ZNF407: variants seen among roughly 807,000 people sequenced by gnomAD.
The protein encoded by ZNF407 is zinc finger protein 407.
A neutral mutation model predicts 131.2 loss-of-function variants in ZNF407; 17 were observed. The ratio of observed to expected loss-of-function variants is 0.13; its 90% CI spans 0.09 to 0.19. The LOEUF is 0.19. Among genes scored for constraint, ZNF407 ranks in the 10% least tolerant of loss-of-function variants. The probability of loss-of-function intolerance (pLI) is 1.00; values close to 1 mark genes in which losing one functional copy is unlikely to be tolerated. For missense variants in ZNF407, 2,681 were observed against 2,830.6 expected, an observed-to-expected ratio of 0.95 and a Z score of 1.20; for synonymous variants, 1,156 against 1,062.0, an observed-to-expected ratio of 1.09 and a Z score of -1.72.
intron 7 of ZNF407, among the ~76,000 whole-genome samples, chr18:74,916,174 A>G (rs374958470): frequency 1.7e-3 from 55 of 31,436 alleles, no homozygotes; most frequent in East Asian, 2.7e-3. Context: ...GTGAGGTTGT[A>G]TGCAGCATTG....
chr18:74,685,436 G>GTCCTCCCTCTGTCCCT (rs2144786075), intron 3 of ZNF407, among the ~76,000 whole-genome samples: 1 of 152,212 alleles, frequency 6.6e-6, no homozygotes, highest in African/African-American at 2.4e-5. Context: ...CTGCTCAATG[G>GTCCTCCCTCTGTCCCT]CTGACCCTCT....
At chr18:74,935,368 T>A (rs540859146) in intron 8 of ZNF407, among the ~76,000 whole-genome samples, 1 of 152,316 alleles carries the variant, frequency 6.6e-6, no homozygotes, top group South Asian at 2.1e-4. Context: ...TCTTAGAGCA[T>A]CTGGTCAACA....
At chr18:74,968,613 G>A (rs1334098799) in intron 8 of ZNF407, among the ~76,000 whole-genome samples, 6 of 152,250 alleles carry the variant, frequency 3.9e-5, no homozygotes, top group Non-Finnish European at 8.8e-5. Context: ...TGCCTCTTTC[G>A]TCTGATCTTC....
rs1984444001 is a variant in ZNF407 at position 74,635,946 on chromosome 18, A to G, written c.4687+240A>G. 6.6e-6 allele frequency among the ~76,000 whole-genome samples: 1 copy of G among 152,210 alleles called. No homozygotes were observed. The highest frequency in any genetic ancestry group is 2.1e-4 in the South Asian group (1 of 4,834). On this transcript the variant is annotated intron_variant, in intron 2 of 8. Transcript: ENST00000299687. This position sits in a 1 kb window ranked among gnomAD's most constrained non-coding sequence, Gnocchi z 4.7. Reference sequence around the variant, plus strand: ...CAAGTTTCTTTTAATTTTGTCAAAAAGCCTAGTCCCTCTGATGCCTTTTAA... The same window carrying G: ...CAAGTTTCTTTTAATTTTGTCAAAAGGCCTAGTCCCTCTGATGCCTTTTAA...
intron 8 of ZNF407, among the ~76,000 whole-genome samples, chr18:75,008,825 G>T (rs1172704318): frequency 6.6e-6 from 1 of 152,144 alleles, no homozygotes; most frequent in Non-Finnish European, 1.5e-5. Context: ...TTGCTGTAAG[G>T]CGTGACATAA....
At chr18:74,647,099 GCTT>G (rs531598691) in intron 3 of ZNF407, among the ~76,000 whole-genome samples, 87 of 152,012 alleles carry the variant, frequency 5.7e-4, no homozygotes, top group South Asian at 2.7e-3. Flanking sequence ...TTAACTCGTT[GCTT>G]CTTCTTCTTC....
intron 8 of ZNF407, among the ~76,000 whole-genome samples, chr18:74,930,869 A>G (rs1189983748): frequency 6.6e-6 from 1 of 152,178 alleles, no homozygotes; most frequent in East Asian, 1.9e-4. Flanking sequence ...CACTACCTTA[A>G]GGAGACCTGG....
At chr18:74,699,076 C>T (rs1332638832) in intron 3 of ZNF407, among the ~76,000 whole-genome samples, 2 of 152,154 alleles carry the variant, frequency 1.3e-5, no homozygotes, top group African/African-American at 2.4e-5. Context: ...CGCTCTCTCT[C>T]CTTTCCCAGG....
chr18:75,043,952 C>A (rs1177588966), intron 8 of ZNF407, among the ~76,000 whole-genome samples: 1 of 152,166 alleles, frequency 6.6e-6, no homozygotes, highest in Non-Finnish European at 1.5e-5. Context: ...TTACTTTGAA[C>A]ACTGAGAGCT....
At chr18:74,833,973 A>G (rs775656081) in intron 4 of ZNF407, among the ~76,000 whole-genome samples, 3 of 152,210 alleles carry the variant, frequency 2.0e-5, no homozygotes, top group Admixed American at 6.5e-5. Context: ...GTAGCTGCAT[A>G]TGTACATCTT....
rs769315881 is a variant in ZNF407, at chr18:74,634,677, T to C, written c.3658T>C (p.Ser1220Pro). The C allele has an allele frequency of 3.3e-5, 53 of 1,613,912 alleles. No homozygotes were observed. The African/African-American group carries it at 5.1e-4, about 15-fold the overall frequency. ...CETAKKNHEISNDAGELRVHC... is the reference protein window; with the variant it reads ...CETAKKNHEIPNDAGELRVHC... ...GACAGCAAAGAAAAACCATGAGATA[T>C]CGAATGATGCAGGTGAGCTGCGTGT... Residue 1220 changes from serine (S) to proline (P), a missense_variant, in exon 2 of 9, where the codon TCG (serine) becomes CCG (proline). By Grantham distance (74) the Ser-to-Pro change is moderately conservative. Around this residue, in one of 6 missense-constraint regions of ZNF407, gnomAD observed 1,789 missense variants for 1,748.7 expected, o/e 1.02. Transcript: ENST00000299687.
rs1417652269 is a variant in ZNF407 at position 74,632,371 on chromosome 18, G to A, written c.1352G>A (p.Arg451Lys). The stretch of plus-strand genomic sequence containing the variant: ...AGGTTTAATCTTTTAGGAATTAAAA[G>A]AGGTACAAGTGAAACTCAGAGGATG... Reference protein sequence around the residue: ...KKRFNLLGIKRGTSETQRMYM... With the variant: ...KKRFNLLGIKKGTSETQRMYM... Residue 451 changes from arginine to lysine, a missense_variant, in exon 2 of 9, where the codon AGA (arginine) becomes AAA (lysine). Around this residue, in one of 6 missense-constraint regions of ZNF407, gnomAD observed 1,789 missense variants for 1,748.7 expected, o/e 1.02. Coordinates refer to ENST00000299687, the MANE Select transcript of ZNF407 (RefSeq NM_017757.3). 3 of 1,614,014 alleles carry A rather than the reference G, an allele frequency of 1.9e-6. No homozygotes were observed. The Admixed American group carries it at 5.0e-5, about 27-fold the overall frequency.
Position 74,634,300 on chromosome 18 carries a change from T to A in ZNF407, c.3281T>A (p.Ile1094Asn), listed in dbSNP as rs1489290231. The A allele has an allele frequency of 1.2e-6, 2 of 1,613,968 alleles. No individual in the cohort carries two copies. The highest frequency in any genetic ancestry group is 1.7e-6 in the Non-Finnish European group (2 of 1,179,860). ...EAGSADMSKN[I>N]IMPEEEHQQN... ...GGTTCTGCAGACATGTCCAAAAACATCATTATGCCTGAAGAAGAGCATCAA... is the reference window on the plus strand; with the variant it reads ...GGTTCTGCAGACATGTCCAAAAACAACATTATGCCTGAAGAAGAGCATCAA... Residue 1094 changes from isoleucine (I) to asparagine (N), a missense_variant, in exon 2 of 9, where the codon ATC becomes AAC. Ile to Asn is a moderately radical substitution (Grantham distance 149, BLOSUM62 -3). Around this residue, in one of 6 missense-constraint regions of ZNF407, gnomAD observed 1,789 missense variants for 1,748.7 expected, o/e 1.02. Coordinates refer to ENST00000299687, the MANE Select transcript of ZNF407 (RefSeq NM_017757.3).
chr18:74,643,991 G>A (rs1013622128), intron 3 of ZNF407, among the ~76,000 whole-genome samples: 1 of 151,876 alleles, frequency 6.6e-6, no homozygotes, highest in Non-Finnish European at 1.5e-5. Flanking sequence ...TGTATTAGAT[G>A]CCTAATTCCT....
intron 4 of ZNF407, among the ~76,000 whole-genome samples, chr18:74,805,558 C>T (rs1970096236): frequency 6.6e-6 from 1 of 152,166 alleles, no homozygotes; most frequent in Non-Finnish European, 1.5e-5. Flanking sequence ...GTTTTCCCCA[C>T]AACTTTTTAT....
chr18:74,839,892 C>T (rs1970608532), intron 4 of ZNF407, among the ~76,000 whole-genome samples: 2 of 152,232 alleles, frequency 1.3e-5, no homozygotes, highest in South Asian at 2.1e-4. Flanking sequence ...AGTCAAAAAA[C>T]AGAAAACACC....
At chr18:74,848,718 C>T (rs1245862665) in intron 4 of ZNF407, among the ~76,000 whole-genome samples, 2 of 152,182 alleles carry the variant, frequency 1.3e-5, no homozygotes. Flanking sequence ...ATCTTTTTCT[C>T]GCTTCAGCTC....
chr18:74,914,401 G>A (rs1393165378), intron 7 of ZNF407, among the ~76,000 whole-genome samples: 1 of 152,102 alleles, frequency 6.6e-6, no homozygotes, highest in Non-Finnish European at 1.5e-5. Context: ...GCTGTGTGCC[G>A]GAGCCATGCA....
At chr18:74,699,625 A>G (rs1316011522) in intron 3 of ZNF407, among the ~76,000 whole-genome samples, 1 of 152,132 alleles carries the variant, frequency 6.6e-6, no homozygotes, top group Non-Finnish European at 1.5e-5. Flanking sequence ...GTATTTTACA[A>G]GTTAATCCTT....
Sources: gnomAD v4.1 joint callset for allele counts (sites outside exome capture counted in the v4.1 genomes callset) on GRCh38, gnomAD v4.1.1 for gene constraint, gnomAD v4.1.1 regional missense constraint, Gnocchi (gnomAD v3.1) non-coding constraint, MANE v1.5 for transcripts, NCBI Gene and HGNC (gene_info 2026-07-23, HGNC 2026-07-21) for gene names.